The following GPC6 variants were observed in gnomAD, a reference collection of about 807,000 sequenced individuals.
The protein encoded by GPC6 is glypican-6.
A neutral mutation model predicts 55.2 loss-of-function variants in GPC6; 14 were observed. The ratio of observed to expected loss-of-function variants is 0.25; its 90% CI spans 0.17 to 0.40. The LOEUF (loss-of-function observed/expected upper bound fraction) is 0.40, where lower values mean the gene tolerates loss of function less well. Ranked by LOEUF, GPC6 falls within the 10% of genes least tolerant of loss-of-function variation. The probability of loss-of-function intolerance (pLI) is 1.00; values close to 1 mark genes in which losing one functional copy is unlikely to be tolerated. For missense variants in GPC6, 641 were observed against 708.5 expected (o/e 0.90, Z 1.08); for synonymous variants, 278 against 259.6 (o/e 1.07, Z -0.68).
intron 4 of GPC6, among the ~76,000 whole-genome samples, chr13:94,264,090 A>C (rs950740542): frequency 6.6e-5 from 10 of 152,176 alleles, no homozygotes; most frequent in Non-Finnish European, 2.9e-5. Flanking sequence ...CCTAAAGTTT[A>C]GTCATTGATC....
Position 93,602,907 on chromosome 13 carries a change from A to C in GPC6, c.319+57486A>C, listed in dbSNP as rs1878077985. On this transcript the variant is annotated intron_variant, in intron 2 of 8. Coordinates refer to ENST00000377047, the MANE Select transcript of GPC6 (RefSeq NM_005708.5). ...AATATACCTAACACCAGCTAAGTCC[A>C]TGCAAACATTTAACTCTTTGTTGGT... 2.0e-5 allele frequency among the ~76,000 whole-genome samples: 3 copies of C among 152,244 alleles called. No homozygotes were observed. The South Asian group carries it at 6.2e-4, about 32-fold the overall frequency.
At chr13:94,359,546 A>C (rs982597919) in intron 6 of GPC6, among the ~76,000 whole-genome samples, 2 of 152,202 alleles carry the variant, frequency 1.3e-5, no homozygotes, top group Non-Finnish European at 2.9e-5. Flanking sequence ...TTTCCAGTGC[A>C]TCAGGAATAA....
intron 1 of GPC6, among the ~76,000 whole-genome samples, chr13:93,275,526 G>C (rs1330921786): frequency 1.3e-5 from 2 of 152,184 alleles, no homozygotes; most frequent in Non-Finnish European, 2.9e-5. Flanking sequence ...CCACAGGCTA[G>C]ATGGCTTAGG....
At chr13:93,785,845 C>T (rs1397250397) in intron 2 of GPC6, among the ~76,000 whole-genome samples, 1 of 151,882 alleles carries the variant, frequency 6.6e-6, no homozygotes, top group Non-Finnish European at 1.5e-5. Context: ...GCCTGTGATC[C>T]CAGCTACTTG....
chr13:93,250,889 G>T (rs1427893059), intron 1 of GPC6, among the ~76,000 whole-genome samples: 1 of 152,152 alleles, frequency 6.6e-6, no homozygotes, highest in Non-Finnish European at 1.5e-5. Flanking sequence ...AAAAGAAAGA[G>T]GTTTAATGAA....
intron 1 of GPC6, among the ~76,000 whole-genome samples, chr13:93,392,868 G>T (rs896355501): frequency 1.3e-5 from 2 of 152,082 alleles, no homozygotes; most frequent in Middle Eastern, 3.2e-3. Context: ...GAAGATATGT[G>T]TGATTAGCTG....
intron 3 of GPC6, among the ~76,000 whole-genome samples, chr13:93,846,683 G>A (rs1888192999): frequency 6.6e-6 from 1 of 152,088 alleles, no homozygotes; most frequent in South Asian, 2.1e-4. Context: ...GCATGATGGT[G>A]AGCACCTGTA....
rs542588605 is a variant in GPC6 at position 93,906,627 on chromosome 13, G to A, written c.711+76082G>A. On this transcript the variant is annotated intron_variant, in intron 3 of 8. Transcript: ENST00000377047. The stretch of plus-strand genomic sequence containing the variant: ...CATCTTGATGTCTTTATATAGAAAA[G>A]CATTCAAATGAAATTCAGAGGTAAG... 2.6e-5 allele frequency among the ~76,000 whole-genome samples: 4 copies of A among 152,280 alleles called. No homozygotes were observed. In the East Asian group the frequency reaches 5.8e-4, roughly 22 times the overall value.
intron 4 of GPC6, among the ~76,000 whole-genome samples, chr13:94,141,597 C>T (rs1342545370): frequency 6.6e-6 from 1 of 152,148 alleles, no homozygotes; most frequent in African/African-American, 2.4e-5. Flanking sequence ...TCTCTGGGGC[C>T]CCCTTGACCA....
intron 2 of GPC6, among the ~76,000 whole-genome samples, chr13:93,566,396 A>G (rs1256532272): frequency 6.6e-6 from 1 of 152,226 alleles, no homozygotes; most frequent in Non-Finnish European, 1.5e-5. Flanking sequence ...TAAATATGAT[A>G]GTGCTCCACT....
chr13:93,565,836 C>T (rs183095416), intron 2 of GPC6, among the ~76,000 whole-genome samples: 19 of 151,702 alleles, frequency 1.3e-4, no homozygotes, highest in East Asian at 3.9e-4. Context: ...GCAGGAGAAT[C>T]ACTTGAACCC....
chr13:93,566,340 T>C (rs1420316449), intron 2 of GPC6, among the ~76,000 whole-genome samples: 1 of 152,226 alleles, frequency 6.6e-6, no homozygotes, highest in Non-Finnish European at 1.5e-5. Flanking sequence ...AGTGTTTTTA[T>C]ATAAAAAGCA....
At chr13:94,245,714 T>C (rs1214714400) in intron 4 of GPC6, among the ~76,000 whole-genome samples, 3 of 151,950 alleles carry the variant, frequency 2.0e-5, no homozygotes, top group African/African-American at 7.2e-5. Context: ...TGAATAATAT[T>C]TGTGTGTATG....
At chr13:94,395,964 G>T (rs1035016127) in intron 7 of GPC6, among the ~76,000 whole-genome samples, 1 of 152,198 alleles carries the variant, frequency 6.6e-6, no homozygotes, top group African/African-American at 2.4e-5. Context: ...CCAATGGGAG[G>T]CAGCAGCTGG....
intron 1 of GPC6, among the ~76,000 whole-genome samples, chr13:93,239,893 A>T (rs911282061): frequency 1.3e-5 from 2 of 152,072 alleles, no homozygotes; most frequent in Non-Finnish European, 2.9e-5. Context: ...TTGACCTAAA[A>T]GTCCTTCAGG....
chr13:93,949,461 A>C (rs1260530944), intron 3 of GPC6, among the ~76,000 whole-genome samples: 3 of 152,170 alleles, frequency 2.0e-5, no homozygotes, highest in Non-Finnish European at 4.4e-5. Flanking sequence ...AAGTGGCATA[A>C]AATCTGAGAT....
intron 4 of GPC6, among the ~76,000 whole-genome samples, chr13:94,033,497 T>C (rs1883213094): frequency 6.6e-6 from 1 of 152,202 alleles, no homozygotes; most frequent in South Asian, 2.1e-4. Flanking sequence ...AAATAAACAT[T>C]TATTGTTTCT....
intron 1 of GPC6, among the ~76,000 whole-genome samples, chr13:93,513,339 CT>C (rs1217572629): frequency 2.0e-5 from 3 of 152,118 alleles, no homozygotes; most frequent in African/African-American, 7.2e-5. Flanking sequence ...CTTTTGTTTT[CT>C]TTTCATTTTC....
intron 4 of GPC6, among the ~76,000 whole-genome samples, chr13:94,272,745 G>A (rs1892084994): frequency 6.6e-6 from 1 of 152,028 alleles, no homozygotes; most frequent in South Asian, 2.1e-4. Context: ...TGGGATTACA[G>A]GCATGAGACA....
Sources: allele counts gnomAD v4.1 joint callset (sites outside exome capture counted in the v4.1 genomes callset), GRCh38; gene constraint gnomAD v4.1.1; transcripts MANE v1.5; gene names NCBI Gene and HGNC (gene_info 2026-07-23, HGNC 2026-07-21).